The following LAMA2 variants were observed in gnomAD, a reference collection of about 807,000 sequenced individuals.
LAMA2 encodes the protein laminin subunit alpha 2.
In LAMA2, 269 loss-of-function variants were observed where a neutral mutation model predicts 364.8. The observed-to-expected ratio is 0.74, with a 90% CI of 0.67 to 0.82. The LOEUF is 0.82. LAMA2 is among the 40% of genes least tolerant of loss of function. The pLI is 0.00. For missense variants in LAMA2, 3,807 were observed against 3,873.2 expected (o/e 0.98, Z 0.45); for synonymous variants, 1,379 against 1,370.6 (o/e 1.01, Z -0.14).
chr6:129,322,979 A>T (rs530425831), intron 28 of LAMA2, among the ~76,000 whole-genome samples: 2 of 152,252 alleles, frequency 1.3e-5, no homozygotes, highest in South Asian at 4.1e-4. Context: ...CATCTGCATT[A>T]GTGGCTTCAC....
intron 12 of LAMA2, among the ~76,000 whole-genome samples, chr6:129,209,790 T>G (rs1782963513): frequency 6.6e-6 from 1 of 151,630 alleles, no homozygotes; most frequent in Non-Finnish European, 1.5e-5. Context: ...GATAACGAGG[T>G]CAGGAGATCG....
chr6:129,445,977 A>G (rs1782352290), intron 45 of LAMA2, among the ~76,000 whole-genome samples, 156 bp downstream of exon 45: 1 of 152,018 alleles, frequency 6.6e-6, no homozygotes, highest in Non-Finnish European at 1.5e-5. Flanking sequence ...AGTGGGGGAG[A>G]GGTTAGTTTT....
chr6:129,172,598 A>T (rs1780262744), intron 9 of LAMA2, among the ~76,000 whole-genome samples: 1 of 152,226 alleles, frequency 6.6e-6, no homozygotes, highest in Non-Finnish European at 1.5e-5. Flanking sequence ...GGGACATTTA[A>T]GTCTGCAGAG....
chr6:129,041,494 C>T (rs866338995), intron 1 of LAMA2, among the ~76,000 whole-genome samples: 1 of 152,164 alleles, frequency 6.6e-6, no homozygotes, highest in African/African-American at 2.4e-5. Flanking sequence ...TTTGCTGTAT[C>T]CAACATCCTT....
intron 1 of LAMA2, among the ~76,000 whole-genome samples, chr6:128,918,720 G>A (rs763873671): frequency 2.0e-5 from 3 of 152,130 alleles, no homozygotes; most frequent in African/African-American, 4.8e-5. Flanking sequence ...AATTTGATTT[G>A]TGACTCTGAG....
Position 129,158,550 on chromosome 6 carries a change from C to T in LAMA2, c.1206+3867C>T, listed in dbSNP as rs1471836957. ...AAATGCTTCATCCTGTTCCAAATCA[C>T]GATTGTAACGACGTCTGCTTGAGAT... is the stretch of plus-strand genomic sequence containing the variant. On this transcript the variant is annotated intron_variant, in intron 8 of 64. Transcript: ENST00000421865. 87 of 1,613,840 alleles carry T rather than the reference C, an allele frequency of 5.4e-5. No individual in the cohort carries two copies. In the East Asian group the frequency reaches 1.9e-3, roughly 35 times the overall value.
At chr6:129,317,037 A>G (rs1774656523) in intron 27 of LAMA2, among the ~76,000 whole-genome samples, 1 of 152,242 alleles carries the variant, frequency 6.6e-6, no homozygotes, top group South Asian at 2.1e-4. Context: ...TGAGGAAAAT[A>G]TTGAAATATA....
chr6:129,126,756 C>T (rs1404757511), intron 4 of LAMA2, among the ~76,000 whole-genome samples: 2 of 152,068 alleles, frequency 1.3e-5, no homozygotes, highest in Admixed American at 1.3e-4. Flanking sequence ...AAGCATATAT[C>T]ATAGTGACAT....
chr6:129,462,438 C>T (rs772058170), intron 49 of LAMA2, among the ~76,000 whole-genome samples: 2 of 151,876 alleles, frequency 1.3e-5, no homozygotes, highest in East Asian at 1.9e-4. Context: ...ACGTCTTTTC[C>T]GTCATTGTGC....
At chr6:129,007,275 G>C (rs1285238187) in intron 1 of LAMA2, among the ~76,000 whole-genome samples, 1 of 152,122 alleles carries the variant, frequency 6.6e-6, no homozygotes, top group Non-Finnish European at 1.5e-5. Context: ...GAGACCCTAA[G>C]CACCTCTTGG....
At chr6:129,107,945 A>T (rs1352390228) in intron 4 of LAMA2, among the ~76,000 whole-genome samples, 1 of 152,130 alleles carries the variant, frequency 6.6e-6, no homozygotes, top group Non-Finnish European at 1.5e-5. Context: ...CTGAAGCTCT[A>T]TGTGAGATTG....
At chr6:129,200,305 T>TATATATATATAC (rs1782162742) in intron 12 of LAMA2, among the ~76,000 whole-genome samples, 8 of 144,116 alleles carry the variant, frequency 5.6e-5, no homozygotes, top group African/African-American at 2.1e-4. Context: ...TATACATGTG[T>TATATATATATAC]GTATATATAT....
chr6:129,128,373 A>G (rs1042601759), intron 4 of LAMA2, among the ~76,000 whole-genome samples: 17 of 152,150 alleles, frequency 1.1e-4, no homozygotes, highest in Non-Finnish European at 2.1e-4. Context: ...TGCCAGTACC[A>G]TGCTATTTTA....
At chr6:129,032,439 G>C (rs547900411) in intron 1 of LAMA2, among the ~76,000 whole-genome samples, 4 of 152,282 alleles carry the variant, frequency 2.6e-5, no homozygotes, top group South Asian at 4.1e-4. Context: ...TGAAGTGAAG[G>C]AGCGTTAAGG....
At chr6:128,888,492 G>A (rs866302994) in intron 1 of LAMA2, among the ~76,000 whole-genome samples, 4 of 152,298 alleles carry the variant, frequency 2.6e-5, no homozygotes, top group African/African-American at 7.2e-5. Context: ...CAAATACAAC[G>A]GGGTAAGGAC....
At chr6:129,456,255 A>G in intron 47 of LAMA2, 80 bp from the exon 48 acceptor site, 1 of 1,350,892 alleles carries the variant, frequency 7.4e-7, no homozygotes, top group Non-Finnish European at 1.1e-6. Flanking sequence ...ATATCTTTTA[A>G]ATCTGGAATT....
At chr6:129,313,795 G>T (rs1315347574) in intron 23 of LAMA2, among the ~76,000 whole-genome samples, 1 of 152,178 alleles carries the variant, frequency 6.6e-6, no homozygotes, top group African/African-American at 2.4e-5. Flanking sequence ...TAAAATCTGG[G>T]TAGTGGTTGT....
intron 58 of LAMA2, among the ~76,000 whole-genome samples, chr6:129,500,340 A>AAT (rs1785532811): frequency 1.1e-4 from 16 of 152,152 alleles, no homozygotes; most frequent in Admixed American, 1.0e-3. Flanking sequence ...AGTAAACATC[A>AAT]CCTTGGATGT....
intron 2 of LAMA2, among the ~76,000 whole-genome samples, chr6:129,052,395 G>A (rs1011246524): frequency 8.7e-5 from 13 of 150,218 alleles, no homozygotes; most frequent in African/African-American, 2.9e-4. Flanking sequence ...TGATATGCCC[G>A]CCTCGGCCTC....
Sources: gnomAD v4.1 joint callset for allele counts (sites outside exome capture counted in the v4.1 genomes callset) on GRCh38, gnomAD v4.1.1 for gene constraint, MANE v1.5 for transcripts, NCBI Gene and HGNC (gene_info 2026-07-23, HGNC 2026-07-21) for gene names.